ZNF735: variants seen among roughly 807,000 people sequenced by gnomAD.
ZNF735 encodes putative zinc finger protein 735.
ZNF735 carries 11 observed loss-of-function variants against 13.4 expected under a neutral mutation model. That is an observed-to-expected ratio of 0.82 (90% CI 0.52 to 1.36). The LOEUF is 1.36. Among genes scored for constraint, ZNF735 ranks in the 40% most tolerant of loss-of-function variants. The pLI, the probability that ZNF735 is intolerant of heterozygous loss-of-function variation, is 0.00. For synonymous variants in ZNF735, 171 were observed against 162.6 expected, an observed-to-expected ratio of 1.05 and a Z score of -0.39; for missense variants, 500 against 484.6, an observed-to-expected ratio of 1.03 and a Z score of -0.30.
In ZNF735 at chr7:64,207,244, G is replaced by T. The variant is rs1329395784; in HGVS notation, c.39+3G>T. 6.2e-6 allele frequency: 10 copies of T among 1,614,194 alleles called. No homozygotes were observed. The highest frequency in any genetic ancestry group is 8.5e-6 in the Non-Finnish European group (10 of 1,180,044). On this transcript the variant is annotated splice_donor_region_variant and intron_variant, in intron 1 of 3. Coordinates refer to ENST00000429565, the Ensembl canonical transcript of ZNF735. ...GACCCCCTGGAAGCCGAGAAATGGT[G>T]AGTGCTGGGTCTGTCATCGTGAGAG...
intron 3 of ZNF735, among the ~76,000 whole-genome samples, chr7:64,216,996 A>G (rs1787430245): frequency 6.6e-6 from 1 of 152,160 alleles, no homozygotes. Context: ...TTTTGACTGG[A>G]GAGTTCTGTA....
intron 2 of ZNF735, among the ~76,000 whole-genome samples, chr7:64,213,581 T>A (rs1787385556): frequency 6.6e-6 from 1 of 152,226 alleles, no homozygotes; most frequent in African/African-American, 2.4e-5. Context: ...GAGAAAGTTC[T>A]GTTACAAATA....
At chr7:64,213,992 T>A in intron 2 of ZNF735, 21 bp from the exon 3 acceptor site, 1 of 1,560,406 alleles carries the variant, frequency 6.4e-7, no homozygotes, top group South Asian at 1.2e-5. Flanking sequence ...TTTAAGTTAC[T>A]TTTTTTTCTT....
At chr7:64,208,673 T>C (rs1787323041) in intron 1 of ZNF735, among the ~76,000 whole-genome samples, 1 of 152,194 alleles carries the variant, frequency 6.6e-6, no homozygotes, top group Non-Finnish European at 1.5e-5. Context: ...ACTCACGTAC[T>C]AAGCATAGTA....
intron 2 of ZNF735, 150 bp downstream of exon 2, chr7:64,213,368 A>T (rs747321773): frequency 9.5e-6 from 8 of 841,718 alleles, no homozygotes; most frequent in African/African-American, 1.8e-5. Context: ...TAAATTCTTC[A>T]AGATGTTTTA....
chr7:64,213,617 T>C (rs1311180988), intron 2 of ZNF735, among the ~76,000 whole-genome samples: 1 of 152,182 alleles, frequency 6.6e-6, no homozygotes, highest in East Asian at 1.9e-4. Flanking sequence ...AATTTTCTAT[T>C]ATATCCTTTT....
At chr7:64,215,763 A>G (rs1277711975) in intron 3 of ZNF735, among the ~76,000 whole-genome samples, 9 of 151,816 alleles carry the variant, frequency 5.9e-5, no homozygotes, top group Non-Finnish European at 1.3e-4. Context: ...AACATTATCT[A>G]TTGAAGGGTT....
intron 3 of ZNF735, among the ~76,000 whole-genome samples, chr7:64,217,156 A>T (rs907727154): frequency 2.1e-4 from 32 of 152,190 alleles, no homozygotes; most frequent in Non-Finnish European, 2.5e-4. Context: ...TGGCACAATC[A>T]TAGAGTTCTC....
At chr7:64,207,358 A>T in intron 1 of ZNF735, 117 bp downstream of exon 1, 3 of 1,593,132 alleles carry the variant, frequency 1.9e-6, no homozygotes, top group Non-Finnish European at 2.6e-6. Context: ...GAGGACCCAA[A>T]TCCTCCTTGG....
At chr7:64,215,002 C>G (rs1194200556) in intron 3 of ZNF735, among the ~76,000 whole-genome samples, 2 of 150,804 alleles carry the variant, frequency 1.3e-5, no homozygotes, top group African/African-American at 4.9e-5. Flanking sequence ...CTTTCAAATA[C>G]TTCTTCCCAT....
chr7:64,215,907 AT>A (rs1787414201), intron 3 of ZNF735, among the ~76,000 whole-genome samples: 1 of 152,084 alleles, frequency 6.6e-6, no homozygotes, highest in Non-Finnish European at 1.5e-5. Flanking sequence ...CCACATAGTT[AT>A]TGTTATTGTT....
exon 4 of ZNF735, chr7:64,219,977 C>T (rs775682606): frequency 1.2e-6 from 2 of 1,613,782 alleles, no homozygotes; most frequent in African/African-American, 1.3e-5. Flanking sequence ...TTTAGCGTAT[C>T]CTCAGCCCTC....
chr7:64,219,392 C>T lies in ZNF735; in HGVS notation c.341C>T (p.Thr114Ile), dbSNP rs762786139. The change falls in exon 4 of 4, where the codon ACA (threonine) becomes ATA (isoleucine). Residue 114 changes from threonine to isoleucine, a missense_variant. Transcript: ENST00000429565. ...TCACTCCAAAAAGTAATACCAAGAA[C>T]ATATGGAAAATGTGGACATGAGAAT... The T allele has an allele frequency of 8.1e-6, 13 of 1,613,750 alleles. No homozygotes were observed. The South Asian group carries it at 1.2e-4, about 15-fold the overall frequency.
intron 1 of ZNF735, among the ~76,000 whole-genome samples, chr7:64,211,351 G>A (rs1444558980): frequency 6.6e-6 from 1 of 152,070 alleles, no homozygotes; most frequent in African/African-American, 2.4e-5. Context: ...CCTTGTTGAG[G>A]TTTCATCTGT....
intron 3 of ZNF735, among the ~76,000 whole-genome samples, chr7:64,215,119 T>C (rs1787404958): frequency 6.6e-6 from 1 of 151,670 alleles, no homozygotes; most frequent in African/African-American, 2.4e-5. Flanking sequence ...TGGAGTGCAA[T>C]GGGGCAATTT....
intron 3 of ZNF735, among the ~76,000 whole-genome samples, chr7:64,215,214 C>G (rs1787405900): frequency 2.0e-5 from 3 of 151,966 alleles, no homozygotes; most frequent in Admixed American, 1.3e-4. Context: ...GATGTGCCAC[C>G]ATGCCCAGCT....
At chr7:64,208,263 T>C (rs1254383969) in intron 1 of ZNF735, among the ~76,000 whole-genome samples, 1 of 103,560 alleles carries the variant, frequency 9.7e-6, no homozygotes. Context: ...TTTTTTTTTT[T>C]TTTTTTTTTT....
intron 3 of ZNF735, among the ~76,000 whole-genome samples, chr7:64,217,611 T>TC (rs779220745): frequency 3.4e-4 from 52 of 152,130 alleles, no homozygotes; most frequent in Admixed American, 4.6e-4. Flanking sequence ...CCTGATGTTA[T>TC]ATATGCATAT....
chr7:64,209,357 T>C (rs1787330835), intron 1 of ZNF735, among the ~76,000 whole-genome samples: 1 of 151,996 alleles, frequency 6.6e-6, no homozygotes, highest in African/African-American at 2.4e-5. Flanking sequence ...TGAACTTTTT[T>C]TTTTTTTTTG....
Sources: gnomAD v4.1 joint callset for allele counts (sites outside exome capture counted in the v4.1 genomes callset) on GRCh38, gnomAD v4.1.1 for gene constraint, MANE v1.5 for transcripts, NCBI Gene and HGNC (gene_info 2026-07-23, HGNC 2026-07-21) for gene names.